SUGCT: variants seen among roughly 807,000 people sequenced by gnomAD.
SUGCT encodes succinyl-CoA:glutarate-CoA transferase.
In SUGCT, 41 loss-of-function variants were observed where a neutral mutation model predicts 55.0. The ratio of observed to expected loss-of-function variants is 0.74; its 90% CI spans 0.58 to 0.97. SUGCT has a LOEUF of 0.97. Among genes scored for constraint, SUGCT ranks in the 50% least tolerant of loss-of-function variants. The pLI, the probability that SUGCT is intolerant of heterozygous loss-of-function variation, is 0.00. For synonymous variants in SUGCT, 187 were observed against 200.4 expected, an observed-to-expected ratio of 0.93 and a Z score of 0.56; for missense variants, 568 against 547.8, an observed-to-expected ratio of 1.04 and a Z score of -0.37.
intron 12 of SUGCT, among the ~76,000 whole-genome samples, chr7:40,505,173 C>T (rs1583851880): frequency 1.3e-5 from 2 of 151,968 alleles, no homozygotes; most frequent in Non-Finnish European, 2.9e-5. Context: ...ATTAGTGTAG[C>T]CACTCTATTC....
chr7:40,219,969 A>G (rs1402983781), intron 6 of SUGCT, among the ~76,000 whole-genome samples: 1 of 152,150 alleles, frequency 6.6e-6, no homozygotes, highest in Non-Finnish European at 1.5e-5. Flanking sequence ...TTAGTATAGG[A>G]GTATGTGAAG....
intron 13 of SUGCT, among the ~76,000 whole-genome samples, chr7:40,821,992 T>C (rs1467899072): frequency 1.3e-5 from 2 of 152,214 alleles, no homozygotes; most frequent in Admixed American, 1.3e-4. Context: ...TCAAAGAACA[T>C]CTTTATTTCT....
chr7:40,300,227 G>C (rs1794452365), intron 8 of SUGCT, among the ~76,000 whole-genome samples: 2 of 152,120 alleles, frequency 1.3e-5, no homozygotes. Flanking sequence ...AGGCTGTGAG[G>C]AGGTTAGTGC....
intron 13 of SUGCT, among the ~76,000 whole-genome samples, chr7:40,826,268 T>C (rs539591237): frequency 4.5e-4 from 69 of 152,316 alleles, no homozygotes; most frequent in African/African-American, 1.6e-3. Context: ...TGATACACTA[T>C]CTTCAAGTTT....
chr7:40,665,813 G>T (rs1584238219), intron 12 of SUGCT, among the ~76,000 whole-genome samples: 1 of 152,024 alleles, frequency 6.6e-6, no homozygotes, highest in African/African-American at 2.4e-5. Context: ...TGACAGCAAG[G>T]TTCTTATTTA....
chr7:40,645,702 CAT>C lies in SUGCT; in HGVS notation c.1090-103729_1090-103728del, dbSNP rs531759568. The stretch of plus-strand genomic sequence containing the variant: ...GAAGCCTGGCAAGGAATCTCTAGGT[CAT>C]ATCAGTCTCGATATCAAACACCTGG... On this transcript the variant is annotated intron_variant, in intron 12 of 13. Transcript: ENST00000335693. 9.5e-4 allele frequency among the ~76,000 whole-genome samples: 145 copies of C among 152,214 alleles called. 1 individual carries two copies. The highest frequency in any genetic ancestry group is 3.3e-3 in the African/African-American group (139 of 41,546).
At chr7:40,499,296 A>G in intron 12 of SUGCT, 1 of 276,562 alleles carries the variant, frequency 3.6e-6, no homozygotes, top group South Asian at 3.1e-5. Context: ...TAACGGCAGA[A>G]AAATTTGAGT....
At chr7:40,951,903 G>A in the SUGCT span, among the ~76,000 whole-genome samples, 1 of 152,216 alleles carries the variant, frequency 6.6e-6, no homozygotes, top group South Asian at 2.1e-4. Context: ...TAAGTGCGAT[G>A]TGATGCTGAG....
chr7:40,360,828 T>C (rs1299757104), intron 9 of SUGCT, among the ~76,000 whole-genome samples: 1 of 151,992 alleles, frequency 6.6e-6, no homozygotes, highest in Non-Finnish European at 1.5e-5. Flanking sequence ...TCAAAGACAT[T>C]TGTGTTTAGA....
chr7:40,563,751 T>C (rs989199223), intron 12 of SUGCT, among the ~76,000 whole-genome samples: 3 of 151,364 alleles, frequency 2.0e-5, no homozygotes, highest in Non-Finnish European at 4.4e-5. Flanking sequence ...TTAATAATAA[T>C]AAAAGGGGGG....
chr7:41,008,940 G>T, the SUGCT span, among the ~76,000 whole-genome samples: 1 of 151,966 alleles, frequency 6.6e-6, no homozygotes, highest in Non-Finnish European at 1.5e-5. Flanking sequence ...CTTCTTGTTG[G>T]GTCTTGCGAG....
At chr7:40,193,793 G>A (rs1257175676) in intron 5 of SUGCT, among the ~76,000 whole-genome samples, 1 of 151,410 alleles carries the variant, frequency 6.6e-6, no homozygotes, top group African/African-American at 2.4e-5. Flanking sequence ...TAGAGACAGG[G>A]TTTTACCATG....
chr7:41,003,991 C>T, the SUGCT span, among the ~76,000 whole-genome samples: 2 of 152,158 alleles, frequency 1.3e-5, no homozygotes, highest in African/African-American at 2.4e-5. Context: ...TCCATCCCAC[C>T]ACATTATCAT....
intron 12 of SUGCT, among the ~76,000 whole-genome samples, chr7:40,570,245 G>T (rs1158241465): frequency 6.6e-6 from 1 of 152,170 alleles, no homozygotes; most frequent in Non-Finnish European, 1.5e-5. Flanking sequence ...TAATTTTCCT[G>T]GAGGACACAG....
At chr7:40,176,403 C>T (rs1002430748) in intron 1 of SUGCT, among the ~76,000 whole-genome samples, 4 of 152,182 alleles carry the variant, frequency 2.6e-5, no homozygotes, top group African/African-American at 4.8e-5. Flanking sequence ...CAGAATGATA[C>T]TTCACTCTTG....
the SUGCT span, among the ~76,000 whole-genome samples, chr7:41,009,382 G>A: frequency 6.6e-6 from 1 of 152,304 alleles, no homozygotes; most frequent in South Asian, 2.1e-4. Flanking sequence ...AGACTGAACT[G>A]AGTTTAGGTT....
chr7:40,987,570 A>G, the SUGCT span, among the ~76,000 whole-genome samples: 2 of 152,216 alleles, frequency 1.3e-5, no homozygotes, highest in African/African-American at 4.8e-5. Context: ...TCAGAAGAAA[A>G]GGAATTCTAT....
At chr7:40,190,779 A>G (rs1785850075) in intron 5 of SUGCT, among the ~76,000 whole-genome samples, 1 of 152,136 alleles carries the variant, frequency 6.6e-6, no homozygotes, top group Admixed American at 6.6e-5. Flanking sequence ...GATTGGTTCT[A>G]CTAGAACCTC....
intron 13 of SUGCT, among the ~76,000 whole-genome samples, chr7:40,803,738 A>C (rs749654026): frequency 6.6e-6 from 1 of 152,230 alleles, no homozygotes; most frequent in African/African-American, 2.4e-5. Context: ...AACCTAAAGA[A>C]ATCAAAATTT....
Sources: allele counts gnomAD v4.1 joint callset (sites outside exome capture counted in the v4.1 genomes callset), GRCh38; gene constraint gnomAD v4.1.1; transcripts MANE v1.5; gene names NCBI Gene and HGNC (gene_info 2026-07-23, HGNC 2026-07-21).